Variants in JMJD1C observed in about 807,000 individuals in gnomAD.
JMJD1C encodes the protein jumonji domain-containing protein 1C.
JMJD1C carries 31 observed loss-of-function variants against 245.3 expected under a neutral mutation model. The ratio of observed to expected loss-of-function variants is 0.13; its 90% CI spans 0.09 to 0.17. The LOEUF (loss-of-function observed/expected upper bound fraction) is 0.17. JMJD1C is among the 10% of genes least tolerant of loss of function. The probability of loss-of-function intolerance (pLI) is 1.00; values close to 1 mark genes in which losing one functional copy is unlikely to be tolerated. For missense variants in JMJD1C, 2,691 were observed against 3,000.2 expected (o/e 0.90, Z 2.41); for synonymous variants, 1,057 against 1,017.4 (o/e 1.04, Z -0.74).
At chr10:63,290,261 C>G (rs1228257217) in intron 2 of JMJD1C, among the ~76,000 whole-genome samples, 1 of 152,118 alleles carries the variant, frequency 6.6e-6, no homozygotes, top group Non-Finnish European at 1.5e-5. Context: ...TCTGAAAACA[C>G]TGAAAAACAT....
intron 3 of JMJD1C, among the ~76,000 whole-genome samples, chr10:63,243,693 G>A (rs779542929): frequency 6.6e-6 from 1 of 151,964 alleles, no homozygotes; most frequent in African/African-American, 2.4e-5. Context: ...GTTCCAAAAT[G>A]ACAATGTTTG....
At chr10:63,217,449 C>CA in intron 4 of JMJD1C, 118 bp from the exon 5 acceptor site, 1 of 762,544 alleles carries the variant, frequency 1.3e-6, no homozygotes, top group Admixed American at 3.5e-5. Flanking sequence ...TATCAGTTTT[C>CA]AAAAAAATGT....
chr10:63,336,293 T>A (rs1942723855), intron 2 of JMJD1C, among the ~76,000 whole-genome samples: 1 of 152,008 alleles, frequency 6.6e-6, no homozygotes, highest in Admixed American at 6.6e-5. Flanking sequence ...AATCCCCGTC[T>A]CAACCAAAAA....
Position 63,481,906 on chromosome 10 carries a change from T to C in JMJD1C, n.113+39832A>G, listed in dbSNP as rs1468952147. Among the ~76,000 whole-genome samples the C allele has an allele frequency of 2.6e-5, 4 of 152,190 alleles. No homozygotes were observed. In the East Asian group the frequency reaches 7.7e-4, roughly 29 times the overall value. On this transcript the variant is annotated intron_variant and non_coding_transcript_variant, in intron 1 of 3. Transcript: ENST00000633035. ...GGATTAAAGACTCTTCAAAGCTGCA[T>C]GGAGAGGGAGGGAAATTCCAAGTTT...
chr10:63,351,792 A>T (rs1944386292), intron 2 of JMJD1C, among the ~76,000 whole-genome samples: 1 of 152,206 alleles, frequency 6.6e-6, no homozygotes, highest in African/African-American at 2.4e-5. Context: ...GCACCGAGCA[A>T]ATACGGCTTA....
At chr10:63,232,905 A>G (rs958510256) in intron 3 of JMJD1C, among the ~76,000 whole-genome samples, 1 of 152,132 alleles carries the variant, frequency 6.6e-6, no homozygotes, top group Non-Finnish European at 1.5e-5. Flanking sequence ...TTCAAAGTTC[A>G]TTTTCTGTTT....
At chr10:63,517,706 G>A (rs969504478) in intron 1 of JMJD1C, among the ~76,000 whole-genome samples, 5 of 151,722 alleles carry the variant, frequency 3.3e-5, no homozygotes, top group East Asian at 1.9e-4. Context: ...AAAGCTTCTA[G>A]GCAGAAGGTA....
intron 1 of JMJD1C, among the ~76,000 whole-genome samples, chr10:63,381,927 A>G (rs568568453): frequency 3.9e-5 from 6 of 152,244 alleles, no homozygotes; most frequent in Non-Finnish European, 7.4e-5. Flanking sequence ...AAGAGTAAAT[A>G]GTAGCCATAC....
intron 22 of JMJD1C, among the ~76,000 whole-genome samples, chr10:63,179,151 T>C (rs986776938): frequency 2.0e-5 from 3 of 151,984 alleles, no homozygotes; most frequent in African/African-American, 7.2e-5. Flanking sequence ...GGATTACACC[T>C]GTAATCCCAG....
chr10:63,202,359 A>C (rs760736064), intron 10 of JMJD1C: 1 of 984,498 alleles, frequency 1.0e-6, no homozygotes, highest in Non-Finnish European at 1.2e-6. Context: ...TATATGTCAG[A>C]TATTAGATTT....
chr10:63,376,621 T>G (rs972813837), intron 2 of JMJD1C, among the ~76,000 whole-genome samples: 17 of 152,118 alleles, frequency 1.1e-4, no homozygotes, highest in South Asian at 4.1e-4. Context: ...AAGAACTTTA[T>G]GAATAGATAT....
intron 2 of JMJD1C, among the ~76,000 whole-genome samples, chr10:63,375,322 G>C (rs568284688): frequency 6.6e-6 from 1 of 151,070 alleles, no homozygotes; most frequent in Non-Finnish European, 1.5e-5. Context: ...AAGTAGCTAG[G>C]ACTACAGGCT....
At chr10:63,325,012 A>G (rs1941346793) in intron 2 of JMJD1C, among the ~76,000 whole-genome samples, 1 of 152,172 alleles carries the variant, frequency 6.6e-6, no homozygotes, top group African/African-American at 2.4e-5. Context: ...TAAAATGACA[A>G]AGATATATAT....
intron 3 of JMJD1C, chr10:63,222,514 G>A: frequency 8.0e-7 from 1 of 1,249,070 alleles, no homozygotes; most frequent in African/African-American, 1.5e-5. Context: ...TTGACTGACT[G>A]CACTTTTGTC....
intron 1 of JMJD1C, among the ~76,000 whole-genome samples, chr10:63,479,166 T>C (rs998539001): frequency 1.3e-5 from 2 of 149,958 alleles, no homozygotes; most frequent in African/African-American, 5.1e-5. Flanking sequence ...TTTCAGCTTT[T>C]TGTTTCAAAA....
chr10:63,207,368 G>C lies in JMJD1C; in HGVS notation c.4301C>G (p.Ser1434Cys). The change falls in exon 10 of 26, where the codon TCT becomes TGT. Residue 1434 changes from serine to cysteine, a missense_variant. By Grantham distance (112) the Ser-to-Cys change is moderately radical. Around this residue, in one of 9 missense-constraint regions of JMJD1C, gnomAD observed 1,562 missense variants for 1,490.7 expected, o/e 1.05. Transcript: ENST00000399262. ...ILASTSSECV[S>C]SKSVSQPVAQ... ...CACTGGCTGACTGACACTTTTTGAA[G>C]ATACACATTCTGATGATGTAGAGGC... 2 of 1,613,956 alleles carry C rather than the reference G, an allele frequency of 1.2e-6. No individual in the cohort carries two copies. Among genetic ancestry groups the C allele is most frequent in the Non-Finnish European group, 1.7e-6 (2 of 1,180,026 alleles).
chr10:63,287,666 C>G (rs1589390334), intron 2 of JMJD1C, among the ~76,000 whole-genome samples: 1 of 152,206 alleles, frequency 6.6e-6, no homozygotes, highest in East Asian at 1.9e-4. Context: ...TCTTAGAAAG[C>G]ATTTAAGGAG....
At chr10:63,193,630 AC>A in intron 14 of JMJD1C, 158 bp from the exon 15 acceptor site, 1 of 513,174 alleles carries the variant, frequency 1.9e-6, no homozygotes. Context: ...TCCATCTATT[AC>A]AGTTTTGATT....
intron 2 of JMJD1C, among the ~76,000 whole-genome samples, chr10:63,316,281 T>C (rs1196165667): frequency 2.0e-5 from 3 of 152,236 alleles, no homozygotes; most frequent in African/African-American, 7.2e-5. Flanking sequence ...TACGCAGTAA[T>C]TTTCATATCT....
Sources: allele counts gnomAD v4.1 joint callset (sites outside exome capture counted in the v4.1 genomes callset), GRCh38; gene constraint gnomAD v4.1.1; regional missense constraint gnomAD v4.1.1; transcripts MANE v1.5; gene names NCBI Gene and HGNC (gene_info 2026-07-23, HGNC 2026-07-21).